PDE4A: variants seen among roughly 807,000 people sequenced by gnomAD.
The protein encoded by PDE4A is phosphodiesterase 4A, also known as 3',5'-cyclic-AMP phosphodiesterase 4A.
Under a neutral mutation model 73.9 loss-of-function variants are expected in PDE4A, and 21 were observed. The observed-to-expected ratio is 0.28, with a 90% confidence interval of 0.20 to 0.41. The LOEUF is 0.41. Among genes scored for constraint, PDE4A ranks in the 10% least tolerant of loss-of-function variants. The pLI, the probability that PDE4A is intolerant of heterozygous loss-of-function variation, is 1.00. For synonymous variants in PDE4A, 463 were observed against 505.4 expected, an observed-to-expected ratio of 0.92 and a Z score of 1.13; for missense variants, 958 against 1,211.4, an observed-to-expected ratio of 0.79 and a Z score of 3.10.
Position 10,420,754 on chromosome 19 carries a change from G to A in PDE4A, c.-11G>A. Reference sequence around the variant, plus strand: ...CCAGGGCCCCCTGGGGCGCAAGTGGGGGCCGGCGCCATGGAACCCCCGACC... The same window carrying A: ...CCAGGGCCCCCTGGGGCGCAAGTGGAGGCCGGCGCCATGGAACCCCCGACC... On this transcript the variant is annotated 5_prime_UTR_variant, in exon 1 of 15. Coordinates refer to ENST00000380702, the MANE Select transcript of PDE4A (RefSeq NM_001111307.2). This position sits in a 1 kb window ranked among gnomAD's most constrained non-coding sequence, Gnocchi z 6.0. The A allele has an allele frequency of 6.5e-7, 1 of 1,548,052 alleles. No individual in the cohort carries two copies. Among genetic ancestry groups the A allele is most frequent in the African/African-American group, 1.4e-5 (1 of 70,700 alleles).
At chr19:10,417,779 C>A (rs2042602395), upstream of PDE4A, 1 of 1,562,400 alleles carries the variant, frequency 6.4e-7, no homozygotes, top group African/African-American at 1.4e-5. Flanking sequence ...AGCCCTCGGA[C>A]CCTGGGGTCC....
At chr19:10,440,615 T>C (rs2042924017) in intron 1 of PDE4A, among the ~76,000 whole-genome samples, 1 of 152,098 alleles carries the variant, frequency 6.6e-6, no homozygotes, top group African/African-American at 2.4e-5. Flanking sequence ...TATGTATTTT[T>C]TGAGACAGAG....
At chr19:10,451,498 G>C (rs1343131232) in intron 6 of PDE4A, among the ~76,000 whole-genome samples, 1 of 152,140 alleles carries the variant, frequency 6.6e-6, no homozygotes, top group Non-Finnish European at 1.5e-5. Context: ...TGCAGCGCTG[G>C]GGTGTTGGGA....
At chr19:10,466,757 G>A in intron 14 of PDE4A, 130 bp from the exon 15 acceptor site, 2 of 1,414,504 alleles carry the variant, frequency 1.4e-6, no homozygotes, top group Non-Finnish European at 1.9e-6. Flanking sequence ...GCCTCCCAAA[G>A]TGCTGGGATT....
intron 1 of PDE4A, among the ~76,000 whole-genome samples, chr19:10,429,933 A>T (rs2042765757): frequency 6.6e-6 from 1 of 151,960 alleles, no homozygotes; most frequent in African/African-American, 2.4e-5. Context: ...TTCAGGGATT[A>T]AGGGACATCT....
At chr19:10,421,175 C>T in intron 1 of PDE4A, 91 bp downstream of exon 1, 1 of 1,333,632 alleles carries the variant, frequency 7.5e-7, no homozygotes, top group Non-Finnish European at 9.5e-7. Flanking sequence ...CGCTAGGATG[C>T]GGGTGGGGTC....
chr19:10,449,948 G>T (rs1196857753), intron 4 of PDE4A, among the ~76,000 whole-genome samples: 1 of 151,502 alleles, frequency 6.6e-6, no homozygotes, highest in Non-Finnish European at 1.5e-5. Context: ...AAAAAAATTA[G>T]CCCAGCATGG....
At chr19:10,441,270 A>G (rs930930297) in intron 1 of PDE4A, among the ~76,000 whole-genome samples, 2 of 152,152 alleles carry the variant, frequency 1.3e-5, no homozygotes, top group Non-Finnish European at 2.9e-5. Context: ...CTGGGACTAT[A>G]GGTGCACACC....
At chr19:10,436,791 G>A (rs557171762) in intron 1 of PDE4A, among the ~76,000 whole-genome samples, 1 of 152,300 alleles carries the variant, frequency 6.6e-6, no homozygotes, top group South Asian at 2.1e-4. Flanking sequence ...TGTAATCCCA[G>A]CACACTGGGA....
chr19:10,461,736 T>G, intron 12 of PDE4A, 56 bp downstream of exon 12: 1 of 1,602,360 alleles, frequency 6.2e-7, no homozygotes, highest in Non-Finnish European at 8.5e-7. Context: ...GTCGAGGGCT[T>G]TGGGGAGGAG....
upstream of PDE4A, chr19:10,418,694 C>T: frequency 1.1e-6 from 1 of 926,470 alleles, no homozygotes. Context: ...CACCGCTCCT[C>T]GTTTCCTCCT....
chr19:10,457,805 T>A lies in PDE4A; in HGVS notation c.878-74T>A, dbSNP rs10404367. The stretch of plus-strand genomic sequence containing the variant: ...GGTGAGCCTTCCCCGTACGTGGTAG[T>A]GGGCTGAAGAATAAGGGAGCCTCCA... On this transcript the variant is annotated intron_variant, in intron 7 of 14. Coordinates refer to ENST00000380702, the MANE Select transcript of PDE4A (RefSeq NM_001111307.2). 13,929 of 1,584,020 alleles carry A rather than the reference T, an allele frequency of 8.8e-3. 481 individuals are homozygous for A. In the African/African-American group the frequency reaches 0.1, roughly 11 times the overall value.
intron 6 of PDE4A, among the ~76,000 whole-genome samples, chr19:10,452,423 G>C (rs1392157159): frequency 6.6e-6 from 1 of 150,676 alleles, no homozygotes; most frequent in East Asian, 1.9e-4. Flanking sequence ...GGCGACAAGA[G>C]TGAAAACTCC....
intron 4 of PDE4A, 118 bp downstream of exon 4, chr19:10,449,268 G>T: frequency 9.4e-7 from 1 of 1,067,010 alleles, no homozygotes. Context: ...CCTCTGTTCA[G>T]ACAACAGCTC....
intron 4 of PDE4A, 120 bp downstream of exon 4, chr19:10,449,270 C>G: frequency 9.8e-7 from 1 of 1,020,252 alleles, no homozygotes; most frequent in Non-Finnish European, 1.5e-6. Flanking sequence ...TCTGTTCAGA[C>G]AACAGCTCCC....
intron 13 of PDE4A, among the ~76,000 whole-genome samples, chr19:10,462,301 TG>T (rs1471314688): frequency 1.3e-5 from 2 of 151,920 alleles, no homozygotes; most frequent in Non-Finnish European, 2.9e-5. Flanking sequence ...ATCACAGGCA[TG>T]CGCCACCATG....
intron 2 of PDE4A, among the ~76,000 whole-genome samples, chr19:10,446,947 G>A (rs541681845): frequency 1.8e-4 from 27 of 146,464 alleles, no homozygotes; most frequent in Non-Finnish European, 3.4e-4. Context: ...TGCCCAGGCT[G>A]GAGTGCAGTG....
intron 2 of PDE4A, among the ~76,000 whole-genome samples, chr19:10,446,632 T>C (rs2145526120): frequency 6.6e-6 from 1 of 151,988 alleles, no homozygotes; most frequent in African/African-American, 2.4e-5. Flanking sequence ...TCTCGCTCTG[T>C]CGTCCAGGCT....
At chr19:10,432,573 T>C (rs1263416309) in intron 1 of PDE4A, 5 of 1,519,148 alleles carry the variant, frequency 3.3e-6, no homozygotes, top group Middle Eastern at 1.7e-4. Flanking sequence ...ATCTGTCAGG[T>C]GGGTGGCCCG....
Sources: allele counts gnomAD v4.1 joint callset (sites outside exome capture counted in the v4.1 genomes callset), GRCh38; gene constraint gnomAD v4.1.1; non-coding constraint Gnocchi (gnomAD v3.1); transcripts MANE v1.5; gene names NCBI Gene and HGNC (gene_info 2026-07-23, HGNC 2026-07-21).